The following PSMG4 variants were observed in gnomAD, a reference collection of about 807,000 sequenced individuals.
PSMG4 encodes the protein proteasome assembly chaperone 4, also known as proteasome (prosome, macropain) assembly chaperone 4.
In PSMG4, 10 loss-of-function variants were observed where a neutral mutation model predicts 11.0. The observed-to-expected ratio is 0.91, with a 90% CI of 0.56 to 1.54. The LOEUF (loss-of-function observed/expected upper bound fraction) is 1.54, where lower values mean the gene tolerates loss of function less well. Among genes scored for constraint, PSMG4 ranks in the 40% most tolerant of loss-of-function variants. PSMG4 has a pLI of 0.00. For synonymous variants in PSMG4, 95 were observed against 71.3 expected, an observed-to-expected ratio of 1.33 and a Z score of -1.68; for missense variants, 198 against 160.9, an observed-to-expected ratio of 1.23 and a Z score of -1.25.
upstream of PSMG4, among the ~76,000 whole-genome samples, chr6:3,255,601 A>C (rs1352599454): frequency 6.6e-6 from 1 of 152,202 alleles, no homozygotes; most frequent in Non-Finnish European, 1.5e-5. Context: ...TGCCTGAGTG[A>C]GGCAGAAGTG....
At chr6:3,263,641 G>T (rs757886986) in intron 1 of PSMG4, 43 bp from the exon 2 acceptor site, 2 of 1,456,320 alleles carry the variant, frequency 1.4e-6, no homozygotes, top group Non-Finnish European at 1.8e-6. Context: ...GCTGGCCTGC[G>T]GGGGGTGGAG....
At chr6:3,255,169 T>A (rs770002124), upstream of PSMG4, 12 of 1,550,796 alleles carry the variant, frequency 7.7e-6, no homozygotes, top group East Asian at 2.7e-4. Context: ...TACTGACGGC[T>A]TACATGTGCG....
chr6:3,256,182 C>T (rs550699569), upstream of PSMG4, among the ~76,000 whole-genome samples: 1 of 152,316 alleles, frequency 6.6e-6, no homozygotes, highest in South Asian at 2.1e-4. Flanking sequence ...GGGGGAAGGG[C>T]AATAATTCTA....
At chr6:3,254,546 C>T (rs151196495), upstream of PSMG4, among the ~76,000 whole-genome samples, 212 of 151,872 alleles carry the variant, frequency 1.4e-3, 2 homozygotes, top group African/African-American at 4.5e-3. Context: ...GGAAGGTGTG[C>T]AGATTTGTTC....
chr6:3,259,582 C>T (rs977819241), intron 1 of PSMG4, among the ~76,000 whole-genome samples: 2 of 152,232 alleles, frequency 1.3e-5, no homozygotes, highest in African/African-American at 2.4e-5. Flanking sequence ...ATGTCTCAGG[C>T]ATTTCGCACT....
upstream of PSMG4, among the ~76,000 whole-genome samples, chr6:3,254,506 T>G (rs879849109): frequency 1.2e-4 from 19 of 152,240 alleles, no homozygotes; most frequent in Non-Finnish European, 2.1e-4. Flanking sequence ...TTTGTGTATG[T>G]GTTGGGTTTA....
intron 1 of PSMG4, among the ~76,000 whole-genome samples, 198 bp downstream of exon 1, chr6:3,259,394 C>T (rs1025119803): frequency 6.6e-6 from 1 of 152,220 alleles, no homozygotes; most frequent in Non-Finnish European, 1.5e-5. Flanking sequence ...GGGCCCCGGG[C>T]CCCTCTCCTT....
intron 2 of PSMG4, chr6:3,266,861 C>CT (rs79377606): frequency 0.86 from 130,392 of 151,398 alleles, 56,333 homozygotes; most frequent in Non-Finnish European, 0.87. Context: ...ATTTTAAATA[C>CT]TTATTTTTTT....
chr6:3,254,454 T>TC (rs1417058588), upstream of PSMG4, among the ~76,000 whole-genome samples: 29 of 151,158 alleles, frequency 1.9e-4, 1 homozygote, highest in Non-Finnish European at 7.4e-5. Context: ...TTTTCTGCTT[T>TC]TTTTGTGTGT....
Position 3,259,806 on chromosome 6 carries a change from G to A in PSMG4, c.174+610G>A, listed in dbSNP as rs906479253. The stretch of plus-strand genomic sequence containing the variant: ...CCTCACCTTCACCCTGCCGCGCTGG[G>A]CCAAGCCTGGGACATTATCATTTCC... On this transcript the variant is annotated intron_variant, in intron 1 of 2. Transcript: ENST00000438998. Among the ~76,000 whole-genome samples the A allele has an allele frequency of 6.6e-5, 10 of 152,128 alleles. 1 individual carries two copies. The East Asian group carries it at 1.9e-3, about 30-fold the overall frequency.
chr6:3,263,306 G>A (rs1758060950), intron 1 of PSMG4, among the ~76,000 whole-genome samples: 1 of 152,354 alleles, frequency 6.6e-6, no homozygotes, highest in African/African-American at 2.4e-5. Context: ...GTGCACAGGT[G>A]CCCCGACTGT....
intron 1 of PSMG4, 69 bp from the exon 2 acceptor site, chr6:3,263,615 G>A (rs1758074637): frequency 5.3e-6 from 7 of 1,330,462 alleles, no homozygotes; most frequent in East Asian, 2.6e-5. Context: ...TCAGAAGCCC[G>A]GAAGCCAGAA....
chr6:3,264,650 G>A lies in PSMG4; in HGVS notation c.250+891G>A, dbSNP rs116273456. 2.8e-3 allele frequency: 610 copies of A among 219,172 alleles called. 1 individual carries two copies. Among genetic ancestry groups the A allele is most frequent in the Non-Finnish European group, 4.3e-3 (484 of 112,086 alleles). The allele number at this position is 219,172 out of a possible 1,614,324, so 13.6% of individuals were successfully genotyped here. A position where few individuals can be genotyped will look rare whatever the true frequency, so the allele number is the denominator to read the frequency against. ...GCACAGGTCAGCATTTCAGGAACTCGCAGTATTCTTTTTCCCTCCCTTGGA... is the reference window on the plus strand; with the variant it reads ...GCACAGGTCAGCATTTCAGGAACTCACAGTATTCTTTTTCCCTCCCTTGGA... On this transcript the variant is annotated intron_variant, in intron 2 of 2. Transcript: ENST00000438998.
upstream of PSMG4, among the ~76,000 whole-genome samples, chr6:3,256,204 T>A (rs1229606406): frequency 5.3e-5 from 8 of 152,206 alleles, no homozygotes; most frequent in Admixed American, 2.0e-4. Context: ...AAGCTTCCAC[T>A]TGGTTTTCTC....
intron 2 of PSMG4, chr6:3,267,207 C>T (rs927083513): frequency 2.6e-5 from 4 of 154,126 alleles, no homozygotes; most frequent in African/African-American, 4.8e-5. Context: ...CACCAGAAAC[C>T]CCTCTGTGTA....
intron 1 of PSMG4, among the ~76,000 whole-genome samples, chr6:3,263,330 C>T (rs1196252350): frequency 6.6e-6 from 1 of 152,234 alleles, no homozygotes; most frequent in East Asian, 1.9e-4. Context: ...TCACTTTCTT[C>T]TTGCTGTAGC....
intron 1 of PSMG4, among the ~76,000 whole-genome samples, chr6:3,262,395 A>G (rs557530040): frequency 2.6e-3 from 402 of 152,342 alleles, no homozygotes; most frequent in Middle Eastern, 0.014. Flanking sequence ...CCATGCAGCT[A>G]AATGTTGAAC....
At chr6:3,267,522 G>A (rs1050119185) in intron 2 of PSMG4, 69 bp from the exon 3 acceptor site, 23 of 1,521,044 alleles carry the variant, frequency 1.5e-5, no homozygotes, top group African/African-American at 4.2e-5. Flanking sequence ...CCAGCTGCAC[G>A]TGGCTGTGAG....
chr6:3,266,231 C>A (rs1758177568), intron 2 of PSMG4: 1 of 152,044 alleles, frequency 6.6e-6, no homozygotes, highest in Non-Finnish European at 1.5e-5. Flanking sequence ...ACCTGCGCCC[C>A]TGAGCCACAC....
Sources: allele counts gnomAD v4.1 joint callset (sites outside exome capture counted in the v4.1 genomes callset), GRCh38; gene constraint gnomAD v4.1.1; transcripts MANE v1.5; gene names NCBI Gene and HGNC (gene_info 2026-07-23, HGNC 2026-07-21).